The following CNTLN variants were observed in gnomAD, a reference collection of about 807,000 sequenced individuals.
CNTLN encodes centlein, centrosomal protein.
CNTLN carries 212 observed loss-of-function variants against 180.0 expected under a neutral mutation model. The observed-to-expected ratio is 1.18, with a 90% CI of 1.05 to 1.32. CNTLN has a LOEUF of 1.32. Among genes scored for constraint, CNTLN ranks in the 40% most tolerant of loss-of-function variants. The probability of loss-of-function intolerance (pLI) is 0.00; values close to 1 mark genes in which losing one functional copy is unlikely to be tolerated. For synonymous variants in CNTLN, 722 were observed against 563.1 expected, an observed-to-expected ratio of 1.28 and a Z score of -3.99; for missense variants, 2,095 against 1,610.9, an observed-to-expected ratio of 1.30 and a Z score of -5.14.
At chr9:17,464,216 G>A (rs191420447) in intron 20 of CNTLN, among the ~76,000 whole-genome samples, 102 of 151,000 alleles carry the variant, frequency 6.8e-4, no homozygotes, top group African/African-American at 2.3e-3. Context: ...ATAGTTCTAA[G>A]TTTTCATAAG....
At chr9:17,268,997 C>T (rs1235404160) in intron 5 of CNTLN, among the ~76,000 whole-genome samples, 1 of 152,094 alleles carries the variant, frequency 6.6e-6, no homozygotes, top group Non-Finnish European at 1.5e-5. Context: ...CGAGTTAGGC[C>T]ATGCCTCGCC....
chr9:17,200,635 C>T (rs1355490588), intron 2 of CNTLN, among the ~76,000 whole-genome samples: 9 of 151,896 alleles, frequency 5.9e-5, no homozygotes, highest in Admixed American at 5.3e-4. Context: ...TGGCTCTCTG[C>T]TTGTCTATTA....
intron 13 of CNTLN, among the ~76,000 whole-genome samples, chr9:17,387,051 G>A (rs549315333): frequency 4.6e-5 from 7 of 152,182 alleles, no homozygotes; most frequent in Admixed American, 2.0e-4. Flanking sequence ...ATTATCCTTC[G>A]GATACTGTTC....
chr9:17,153,880 C>A (rs896386474), intron 2 of CNTLN, among the ~76,000 whole-genome samples: 1 of 152,030 alleles, frequency 6.6e-6, no homozygotes. Context: ...CTAATCTTGT[C>A]TTCTCTGTTT....
At chr9:17,446,153 A>G (rs1316392229) in intron 18 of CNTLN, among the ~76,000 whole-genome samples, 5 of 152,166 alleles carry the variant, frequency 3.3e-5, no homozygotes, top group African/African-American at 1.2e-4. Context: ...ACGAATGATG[A>G]ATAAATACTA....
At chr9:17,268,900 A>T (rs931870166) in intron 5 of CNTLN, among the ~76,000 whole-genome samples, 1 of 151,862 alleles carries the variant, frequency 6.6e-6, no homozygotes, top group Admixed American at 6.6e-5. Flanking sequence ...GTGCAGTATT[A>T]GGGTGGGAGT....
At chr9:17,348,414 C>A (rs10963055) in intron 12 of CNTLN, among the ~76,000 whole-genome samples, 7,089 of 152,196 alleles carry the variant, frequency 0.047, 216 homozygotes, top group South Asian at 0.15. Flanking sequence ...GGGAGACTTA[C>A]TCCTCCCTTT....
At chr9:17,521,877 G>A in the CNTLN span, among the ~76,000 whole-genome samples, 1 of 152,130 alleles carries the variant, frequency 6.6e-6, no homozygotes, top group African/African-American at 2.4e-5. Context: ...TGCAAATGCT[G>A]ATTTATTTAT....
chr9:17,257,791 G>T (rs1293565225), intron 5 of CNTLN, among the ~76,000 whole-genome samples: 1 of 150,354 alleles, frequency 6.7e-6, no homozygotes, highest in African/African-American at 2.5e-5. Flanking sequence ...AGAAGTGTCT[G>T]TTCATGTCCT....
intron 2 of CNTLN, among the ~76,000 whole-genome samples, chr9:17,194,626 C>G (rs145207024): frequency 6.6e-6 from 1 of 152,298 alleles, no homozygotes; most frequent in African/African-American, 2.4e-5. Flanking sequence ...CTAGGAAGTT[C>G]CAAACTTTCC....
At chr9:17,434,650 A>C (rs1024109252) in intron 18 of CNTLN, among the ~76,000 whole-genome samples, 1 of 152,078 alleles carries the variant, frequency 6.6e-6, no homozygotes, top group Non-Finnish European at 1.5e-5. Context: ...ATCTTGTTGA[A>C]TATTTCATGG....
chr9:17,140,747 A>G (rs1398240111), intron 1 of CNTLN, among the ~76,000 whole-genome samples: 8 of 152,174 alleles, frequency 5.3e-5, no homozygotes, highest in African/African-American at 1.4e-4. Context: ...CCTAATGGTT[A>G]TGTTAATTAG....
intron 13 of CNTLN, among the ~76,000 whole-genome samples, chr9:17,375,061 A>G (rs1296913096): frequency 6.6e-6 from 1 of 152,214 alleles, no homozygotes; most frequent in African/African-American, 2.4e-5. Context: ...AATGTGGTAC[A>G]TACACACAAT....
rs748268503 is a variant in CNTLN, at chr9:17,502,533, T to C, written c.4120-18T>C. 3 of 1,139,576 alleles carry C rather than the reference T, an allele frequency of 2.6e-6. No individual in the cohort carries two copies. The highest frequency in any genetic ancestry group is 3.8e-6 in the Non-Finnish European group (3 of 792,814). 70.6% of individuals were successfully genotyped at this position (1,139,576 alleles called of 1,614,324 possible). A position where few individuals can be genotyped will look rare whatever the true frequency, so the allele number is the denominator to read the frequency against. ...AAAATATAGAGTTTTAATAATCTTT[T>C]TTGTGTTTCTTTTACAGCTTCCTTT... On this transcript the variant is annotated intron_variant, in intron 25 of 25. Transcript: ENST00000380647.
intron 10 of CNTLN, among the ~76,000 whole-genome samples, chr9:17,335,081 G>A (rs1247571521): frequency 6.6e-6 from 1 of 152,160 alleles, no homozygotes; most frequent in Non-Finnish European, 1.5e-5. Context: ...TTGAAGGCAG[G>A]CAGAGAGAAA....
intron 5 of CNTLN, among the ~76,000 whole-genome samples, chr9:17,271,740 T>C (rs1827961558): frequency 6.6e-6 from 1 of 152,178 alleles, no homozygotes; most frequent in Admixed American, 6.5e-5. Context: ...CAACAGGTCC[T>C]GTCATTTTTA....
intron 12 of CNTLN, among the ~76,000 whole-genome samples, chr9:17,350,238 A>G (rs1197774750): frequency 6.6e-6 from 1 of 152,190 alleles, no homozygotes; most frequent in Non-Finnish European, 1.5e-5. Flanking sequence ...GTCAACCACA[A>G]TTGCATGTTT....
intron 8 of CNTLN, among the ~76,000 whole-genome samples, chr9:17,318,268 A>G (rs1267534127): frequency 2.6e-5 from 4 of 151,996 alleles, no homozygotes; most frequent in Non-Finnish European, 5.9e-5. Flanking sequence ...TGACCTCGTG[A>G]TCCGCCTGCC....
intron 5 of CNTLN, among the ~76,000 whole-genome samples, chr9:17,249,181 A>G (rs900211415): frequency 1.1e-4 from 17 of 152,030 alleles, no homozygotes; most frequent in Admixed American, 1.1e-3. Context: ...TATTAATGAG[A>G]TACATCTTTT....
Sources: gnomAD v4.1 joint callset for allele counts (sites outside exome capture counted in the v4.1 genomes callset) on GRCh38, gnomAD v4.1.1 for gene constraint, MANE v1.5 for transcripts, NCBI Gene and HGNC (gene_info 2026-07-23, HGNC 2026-07-21) for gene names.